Variants in SLTM observed in about 807,000 individuals in gnomAD.
SLTM encodes the protein SAFB like transcription modulator, also known as SAFB-like transcription modulator.
SLTM carries 43 observed loss-of-function variants against 134.6 expected under a neutral mutation model. That is an observed-to-expected ratio of 0.32 (90% CI 0.25 to 0.41). The LOEUF (loss-of-function observed/expected upper bound fraction) is 0.41, where lower values mean the gene tolerates loss of function less well. Ranked by LOEUF, SLTM falls within the 10% of genes least tolerant of loss-of-function variation. SLTM has a pLI of 1.00. For synonymous variants in SLTM, 424 were observed against 432.3 expected (o/e 0.98, Z 0.24); for missense variants, 1,055 against 1,288.8 (o/e 0.82, Z 2.78).
intron 2 of SLTM, chr15:58,932,050 TG>T (rs2037916660): frequency 5.7e-6 from 1 of 176,092 alleles, no homozygotes. Context: ...AAGGTAGACA[TG>T]TGTTAAACTG....
intron 5 of SLTM, among the ~76,000 whole-genome samples, chr15:58,912,004 A>T (rs1329872209): frequency 1.3e-5 from 2 of 152,218 alleles, no homozygotes; most frequent in African/African-American, 2.4e-5. Flanking sequence ...TAGGTTTTAC[A>T]GAAAGGATGG....
At position 58,930,281 on chromosome 15, in the gene SLTM, ATTTT is replaced by A. The variant is rs34150533; in HGVS notation, c.250+2071_250+2074del. Among the ~76,000 whole-genome samples, 391 of 117,608 alleles carry A rather than the reference ATTTT, an allele frequency of 3.3e-3. 2 individuals carry two copies. Among genetic ancestry groups the A allele is most frequent in the Non-Finnish European group, 4.8e-3 (274 of 57,156 alleles). The allele number at this position is 117,608 out of a possible 152,430, so 77.2% of individuals were successfully genotyped here. A position where few individuals can be genotyped will look rare whatever the true frequency, so the allele number is the denominator to read the frequency against. Reference sequence around the variant, plus strand: ...GGCACGCGCGCCACCATGCCCAGCTATTTTTTTTTTTTTTTTTTTTGTATTTTTA... The same window carrying A: ...GGCACGCGCGCCACCATGCCCAGCTATTTTTTTTTTTTTTTTGTATTTTTA... On this transcript the variant is annotated intron_variant, in intron 2 of 20. Transcript: ENST00000380516.
chr15:58,914,103 G>A (rs1241606422), intron 3 of SLTM, among the ~76,000 whole-genome samples: 1 of 152,140 alleles, frequency 6.6e-6, no homozygotes, highest in Admixed American at 6.5e-5. Context: ...TAATAATAAA[G>A]AACTCCCAAC....
intron 1 of SLTM, 60 bp downstream of exon 1, chr15:58,933,344 G>A: frequency 1.3e-6 from 2 of 1,492,894 alleles, no homozygotes; most frequent in Non-Finnish European, 1.8e-6. Flanking sequence ...CGGAAGCGGG[G>A]CGCCGAGGCG....
At chr15:58,898,718 TCAAAGAAAACA>T in intron 8 of SLTM, 74 bp downstream of exon 8, 1 of 1,007,240 alleles carries the variant, frequency 9.9e-7, no homozygotes, top group Non-Finnish European at 1.5e-6. Context: ...GGACTAAATG[TCAAAGAAAACA>T]CCGCGCAACT....
At chr15:58,909,022 A>G (rs1354980554) in intron 5 of SLTM, among the ~76,000 whole-genome samples, 2 of 152,228 alleles carry the variant, frequency 1.3e-5, no homozygotes, top group Non-Finnish European at 2.9e-5. Flanking sequence ...AGCATTGTAC[A>G]TTGAAAAGAC....
chr15:58,926,536 G>A (rs111487700), intron 2 of SLTM, among the ~76,000 whole-genome samples: 17 of 151,778 alleles, frequency 1.1e-4, no homozygotes, highest in Non-Finnish European at 1.9e-4. Context: ...TATATCATAT[G>A]TAAAATGCTA....
In SLTM at chr15:58,894,579, G is replaced by T. The variant is rs1226637699; in HGVS notation, c.1231C>A (p.Leu411Met). 3 of 1,613,918 alleles carry T rather than the reference G, an allele frequency of 1.9e-6. No individual in the cohort carries two copies. The South Asian group carries it at 3.3e-5, about 18-fold the overall frequency. ...GCATTTGTAACTACTTTTGCACTCA[G>T]AACCTATAAAATCAGACTGTACTTT... ...KNLFGKYGKV[L>M]SAKVVTNARS... is the part of the protein sequence containing the mutation. The change falls in exon 10 of 21, where the codon CTG (leucine) becomes ATG (methionine). Residue 411 changes from leucine to methionine, a missense_variant. Physicochemically the swap from Leu to Met is conservative, Grantham distance 15. Around this residue, in one of 3 missense-constraint regions of SLTM, gnomAD observed 776 missense variants for 962.2 expected, o/e 0.81. Transcript: ENST00000380516.
chr15:58,887,648 T>C, intron 17 of SLTM, 108 bp from the exon 18 acceptor site: 1 of 1,486,118 alleles, frequency 6.7e-7, no homozygotes. Context: ...AAAAATGAAC[T>C]TAAGGCAAAG....
In SLTM at chr15:58,888,535, C is replaced by T. The variant is rs202009734; in HGVS notation, c.2225G>A (p.Ser742Asn). The change falls in exon 17 of 21, where the codon AGC becomes AAC. Residue 742 changes from serine (S) to asparagine (N), a missense_variant. By Grantham distance (46) the Ser-to-Asn change is conservative (BLOSUM62 1). Around this residue, in one of 3 missense-constraint regions of SLTM, gnomAD observed 776 missense variants for 962.2 expected, o/e 0.81. Transcript: ENST00000380516. ...VDHRRDDPYW[S>N]ENKKLSLDTD... ...ATCTAGAGACAACTTTTTATTCTCGCTCCAGTAAGGATCATCTCGCCTTGA... is the reference window on the plus strand; with the variant it reads ...ATCTAGAGACAACTTTTTATTCTCGTTCCAGTAAGGATCATCTCGCCTTGA... 23 of 1,613,708 alleles carry T rather than the reference C, an allele frequency of 1.4e-5. No individual in the cohort carries two copies. In the Admixed American group the frequency reaches 1.7e-4, roughly 12 times the overall value.
chr15:58,886,210 A>T (rs1469206044), intron 19 of SLTM, among the ~76,000 whole-genome samples: 9 of 150,116 alleles, frequency 6.0e-5, no homozygotes, highest in African/African-American at 2.2e-4. Context: ...AAGCAGGAGA[A>T]AAAGAAGAGT....
At chr15:58,930,026 A>C (rs898050289) in intron 2 of SLTM, among the ~76,000 whole-genome samples, 1 of 152,198 alleles carries the variant, frequency 6.6e-6, no homozygotes, top group Non-Finnish European at 1.5e-5. Context: ...CAAGATTTTC[A>C]TAACAATGAT....
chr15:58,908,744 G>A (rs1305152544), intron 5 of SLTM, among the ~76,000 whole-genome samples: 7 of 152,112 alleles, frequency 4.6e-5, no homozygotes, highest in Non-Finnish European at 8.8e-5. Flanking sequence ...GTATCAGTGG[G>A]TGATACAACC....
intron 3 of SLTM, 143 bp downstream of exon 3, chr15:58,916,792 T>G (rs1056240435): frequency 2.2e-5 from 13 of 590,208 alleles, no homozygotes; most frequent in Non-Finnish European, 3.9e-5. Context: ...AGATTGACAA[T>G]ATTAAACGTT....
intron 2 of SLTM, among the ~76,000 whole-genome samples, chr15:58,925,763 A>T (rs4775100): frequency 0.98 from 149,569 of 152,310 alleles, 73,491 homozygotes; most frequent in Middle Eastern, 1. Context: ...AGAATAAACA[A>T]TTCCGGCACA....
At chr15:58,895,567 T>C (rs2035020004) in intron 9 of SLTM, among the ~76,000 whole-genome samples, 1 of 152,210 alleles carries the variant, frequency 6.6e-6, no homozygotes, top group Admixed American at 6.5e-5. Flanking sequence ...TATGGGTGGC[T>C]GGAACAAATC....
rs768698776 is a variant in SLTM at position 58,894,506 on chromosome 15, C to T, written c.1304G>A (p.Ser435Asn). 1 of 1,613,988 alleles carries T rather than the reference C, an allele frequency of 6.2e-7. No homozygotes were observed. The highest frequency in any genetic ancestry group is 1.3e-5 in the African/African-American group (1 of 74,902). ...KCYGIVTMSS[S>N]TEVSRCIAHL... ...TGCAATACACCTGGACACCTCTGTG[C>T]TTGAAGACATAGTTACAATGCCATA... The change falls in exon 10 of 21, where the codon AGC (serine) becomes AAC (asparagine). Residue 435 changes from serine (S) to asparagine (N), a missense_variant. Around this residue, in one of 3 missense-constraint regions of SLTM, gnomAD observed 776 missense variants for 962.2 expected, o/e 0.81. Coordinates refer to ENST00000380516, the MANE Select transcript of SLTM (RefSeq NM_024755.4).
chr15:58,933,652 G>A lies in SLTM; in HGVS notation c.-87C>T, dbSNP rs1053072878. ...AACTTCCACCCAGGCCTCGGCGGCCGCCGGCGCCGCGCAGCGCTGCGCACA... is the reference window on the plus strand; with the variant it reads ...AACTTCCACCCAGGCCTCGGCGGCCACCGGCGCCGCGCAGCGCTGCGCACA... On this transcript the variant is annotated 5_prime_UTR_variant, in exon 1 of 21. Transcript: ENST00000380516. 4 of 1,372,098 alleles carry A rather than the reference G, an allele frequency of 2.9e-6. No individual in the cohort carries two copies. Among genetic ancestry groups the A allele is most frequent in the South Asian group, 1.6e-5 (1 of 60,868 alleles). The allele number at this position is 1,372,098 out of a possible 1,614,324, so 85.0% of individuals were successfully genotyped here.
In SLTM at chr15:58,892,904, G is replaced by A; in HGVS notation, c.1891C>T (p.Leu631Phe). The A allele has an allele frequency of 6.2e-7, 1 of 1,612,938 alleles. No homozygotes were observed. ...AACAGACTCTCTTCCTACCTTCGAAGTTCCATTGCTCGTCGCAGCCTTTCA... is the reference window on the plus strand; with the variant it reads ...AACAGACTCTCTTCCTACCTTCGAAATTCCATTGCTCGTCGCAGCCTTTCA... Reference protein sequence around the residue: ...RFERLRRAMELRRRREIAERE... With the variant: ...RFERLRRAMEFRRRREIAERE... The change falls in exon 14 of 21, where the codon CTT (leucine) becomes TTT (phenylalanine). Residue 631 changes from leucine to phenylalanine, a missense_variant. Physicochemically the swap from Leu to Phe is conservative, Grantham distance 22. This residue lies in a region of SLTM where 776 missense variants were observed against 962.2 expected (regional missense o/e 0.81). Transcript: ENST00000380516.
Sources: allele counts gnomAD v4.1 joint callset (sites outside exome capture counted in the v4.1 genomes callset), GRCh38; gene constraint gnomAD v4.1.1; regional missense constraint gnomAD v4.1.1; transcripts MANE v1.5; gene names NCBI Gene and HGNC (gene_info 2026-07-23, HGNC 2026-07-21).